Variants in MRPS35 observed in about 807,000 individuals in gnomAD.
The protein encoded by MRPS35 is mitochondrial ribosomal protein S35.
A neutral mutation model predicts 32.7 loss-of-function variants in MRPS35; 29 were observed. The ratio of observed to expected loss-of-function variants is 0.89; its 90% CI spans 0.66 to 1.21. MRPS35 has a LOEUF of 1.21. Ranked by LOEUF, MRPS35 falls within the 50% of genes most tolerant of loss-of-function variation. The probability of loss-of-function intolerance (pLI) is 0.00; values close to 1 mark genes in which losing one functional copy is unlikely to be tolerated. For missense variants in MRPS35, 373 were observed against 383.8 expected (o/e 0.97, Z 0.23); for synonymous variants, 148 against 139.3 (o/e 1.06, Z -0.44).
chr12:27,712,951 G>T (rs145318595), intron 1 of MRPS35, among the ~76,000 whole-genome samples: 1 of 152,302 alleles, frequency 6.6e-6, no homozygotes, highest in South Asian at 2.1e-4. Flanking sequence ...CTGGGAAGTC[G>T]ATTACAGTGA....
At chr12:27,719,944 GTA>G in intron 4 of MRPS35, 76 bp downstream of exon 4, 2 of 1,069,198 alleles carry the variant, frequency 1.9e-6, no homozygotes, top group Non-Finnish European at 2.8e-6. Context: ...CTGATATACT[GTA>G]TAGCCTTATA....
At chr12:27,750,866 G>C (rs2061999147) in intron 7 of MRPS35, among the ~76,000 whole-genome samples, 1 of 152,044 alleles carries the variant, frequency 6.6e-6, no homozygotes, top group Non-Finnish European at 1.5e-5. Flanking sequence ...ACTTTGGGAG[G>C]CCGAGACTGG....
intron 7 of MRPS35, among the ~76,000 whole-genome samples, chr12:27,749,050 A>G (rs1054252732): frequency 6.6e-6 from 1 of 152,234 alleles, no homozygotes; most frequent in African/African-American, 2.4e-5. Context: ...AAATGTAATC[A>G]TAGCAGGGTT....
At chr12:27,721,129 A>G (rs1024136792) in intron 4 of MRPS35, among the ~76,000 whole-genome samples, 4 of 152,224 alleles carry the variant, frequency 2.6e-5, no homozygotes, top group Non-Finnish European at 4.4e-5. Context: ...AAACATAATT[A>G]TGATTAAATT....
intron 7 of MRPS35, among the ~76,000 whole-genome samples, chr12:27,740,173 TA>T (rs2061958360): frequency 6.6e-6 from 1 of 152,242 alleles, no homozygotes; most frequent in South Asian, 2.1e-4. Context: ...CACCGTTATT[TA>T]ATCAAATAGA....
intron 7 of MRPS35, among the ~76,000 whole-genome samples, chr12:27,744,253 T>C (rs968304154): frequency 1.3e-5 from 2 of 152,130 alleles, no homozygotes; most frequent in African/African-American, 2.4e-5. Flanking sequence ...TAGTTTGTAC[T>C]TCAAACTATC....
intron 7 of MRPS35, among the ~76,000 whole-genome samples, chr12:27,740,082 A>G (rs891179397): frequency 2.6e-5 from 4 of 152,224 alleles, no homozygotes; most frequent in African/African-American, 9.7e-5. Context: ...AATTTTGCGG[A>G]GCTGCTAGAA....
In MRPS35 at chr12:27,719,123, T is replaced by G. The variant is rs538864739; in HGVS notation, c.322-685T>G. Among the ~76,000 whole-genome samples the G allele has an allele frequency of 3.3e-5, 5 of 152,238 alleles. No homozygotes were observed. The South Asian group carries it at 1.0e-3, about 32-fold the overall frequency. ...AAAAACAAAACAAAAATCCACGTGCTTAAGTCCTTTCAGTTTTATAAAGGA... is the reference window on the plus strand; with the variant it reads ...AAAAACAAAACAAAAATCCACGTGCGTAAGTCCTTTCAGTTTTATAAAGGA... On this transcript the variant is annotated intron_variant, in intron 3 of 7. Coordinates refer to ENST00000081029, the MANE Select transcript of MRPS35 (RefSeq NM_021821.4).
intron 5 of MRPS35, among the ~76,000 whole-genome samples, chr12:27,724,734 T>C (rs1467123236): frequency 6.6e-6 from 1 of 151,662 alleles, no homozygotes; most frequent in South Asian, 2.1e-4. Context: ...CAGAGCGAGA[T>C]TCCATCTCGG....
intron 5 of MRPS35, among the ~76,000 whole-genome samples, chr12:27,727,786 G>A (rs959216711): frequency 6.6e-6 from 1 of 151,984 alleles, no homozygotes; most frequent in Non-Finnish European, 1.5e-5. Flanking sequence ...TCATACAGTT[G>A]TTCCTCAGTA....
chr12:27,713,216 A>G (rs2061835363), intron 1 of MRPS35, among the ~76,000 whole-genome samples: 1 of 152,202 alleles, frequency 6.6e-6, no homozygotes, highest in Non-Finnish European at 1.5e-5. Flanking sequence ...CGTCCTGCTC[A>G]TCTTTCAGGT....
intron 4 of MRPS35, among the ~76,000 whole-genome samples, chr12:27,722,100 TTTTATAGTATTTA>T (rs1423818096): frequency 6.6e-6 from 1 of 152,174 alleles, no homozygotes; most frequent in African/African-American, 2.4e-5. Context: ...TGGCATTATA[TTTTATAGTATTTA>T]AATGAGTGTC....
intron 5 of MRPS35, among the ~76,000 whole-genome samples, chr12:27,724,770 C>G (rs138216326): frequency 6.6e-6 from 1 of 151,866 alleles, no homozygotes; most frequent in South Asian, 2.1e-4. Context: ...CAAAATTGCC[C>G]GTAAATCTAC....
intron 5 of MRPS35, 72 bp downstream of exon 5, chr12:27,724,258 G>A (rs2061890352): frequency 1.5e-6 from 2 of 1,328,720 alleles, no homozygotes; most frequent in African/African-American, 1.5e-5. Flanking sequence ...TGTCTTTGGT[G>A]GCTGGCACAG....
intron 2 of MRPS35, among the ~76,000 whole-genome samples, chr12:27,715,861 C>T (rs903309684): frequency 6.6e-6 from 1 of 152,192 alleles, no homozygotes; most frequent in Non-Finnish European, 1.5e-5. Context: ...TTTATTCAAT[C>T]AGTTTAACCC....
chr12:27,710,970 C>T lies in MRPS35; in HGVS notation c.112+15C>T, dbSNP rs373625692. On this transcript the variant is annotated intron_variant, in intron 1 of 7. Coordinates refer to ENST00000081029, the MANE Select transcript of MRPS35 (RefSeq NM_021821.4). ...ACCTAGCCTGCGTGAGTGTCTGTCT[C>T]GTCTTCTCTGGGCTTTGGGGGAGGT... is the stretch of plus-strand genomic sequence containing the variant. The T allele has an allele frequency of 1.8e-5, 29 of 1,606,754 alleles. No homozygotes were observed. In the African/African-American group the frequency reaches 3.5e-4, roughly 19 times the overall value.
In MRPS35 at chr12:27,737,574, T is replaced by C; in HGVS notation, c.668T>C (p.Val223Ala). The C allele has an allele frequency of 1.2e-6, 2 of 1,612,108 alleles. No homozygotes were observed. The change falls in exon 7 of 8, where the codon GTG (valine) becomes GCG (alanine). Residue 223 changes from valine (V) to alanine (A), a missense_variant. Val to Ala is a moderately conservative substitution (Grantham distance 64). Coordinates refer to ENST00000081029, the MANE Select transcript of MRPS35 (RefSeq NM_021821.4). ...PLRRQNYDYA[V>A]YLLTVLYHES... ...AGGAGGCAGAATTACGATTATGCAG[T>C]GTATCTACTAACAGTGTTATACCAT...
chr12:27,745,630 A>G (rs1465058770), intron 7 of MRPS35, among the ~76,000 whole-genome samples: 1 of 151,794 alleles, frequency 6.6e-6, no homozygotes. Flanking sequence ...CAGGTTAGTT[A>G]CATATTTATA....
intron 1 of MRPS35, among the ~76,000 whole-genome samples, chr12:27,712,951 G>A (rs145318595): frequency 6.6e-6 from 1 of 152,302 alleles, no homozygotes; most frequent in African/African-American, 2.4e-5. Flanking sequence ...CTGGGAAGTC[G>A]ATTACAGTGA....
Sources: allele counts gnomAD v4.1 joint callset (sites outside exome capture counted in the v4.1 genomes callset), GRCh38; gene constraint gnomAD v4.1.1; transcripts MANE v1.5; gene names NCBI Gene and HGNC (gene_info 2026-07-23, HGNC 2026-07-21).